PDE10A: variants seen among roughly 807,000 people sequenced by gnomAD.
The protein encoded by PDE10A is phosphodiesterase 10A, also known as cAMP and cAMP-inhibited cGMP 3',5'-cyclic phosphodiesterase 10A.
Under a neutral mutation model 97.7 loss-of-function variants are expected in PDE10A, and 39 were observed. The observed-to-expected ratio is 0.40, with a 90% CI of 0.31 to 0.52. PDE10A has a LOEUF of 0.52. Among genes scored for constraint, PDE10A ranks in the 20% least tolerant of loss-of-function variants. The pLI, the probability that PDE10A is intolerant of heterozygous loss-of-function variation, is 0.56. For synonymous variants in PDE10A, 371 were observed against 376.8 expected (o/e 0.98, Z 0.18); for missense variants, 731 against 1,047.8 (o/e 0.70, Z 4.17).
At chr6:165,915,336 G>C (rs1303346937) in intron 1 of PDE10A, among the ~76,000 whole-genome samples, 4 of 152,146 alleles carry the variant, frequency 2.6e-5, no homozygotes, top group South Asian at 2.1e-4. Flanking sequence ...CAAGTAATTT[G>C]AGCATAAACC....
chr6:165,840,461 C>T (rs553315365), intron 1 of PDE10A, among the ~76,000 whole-genome samples: 1 of 152,300 alleles, frequency 6.6e-6, no homozygotes, highest in East Asian at 1.9e-4. Context: ...TCAGCAATCA[C>T]TTGTAGTCAT....
intron 1 of PDE10A, among the ~76,000 whole-genome samples, chr6:165,554,931 C>G (rs140058846): frequency 2.0e-5 from 3 of 152,088 alleles, no homozygotes; most frequent in South Asian, 2.1e-4. Flanking sequence ...AGACAAACAT[C>G]GCATGTTCTC....
chr6:165,513,387 G>A (rs1414765959), intron 2 of PDE10A, among the ~76,000 whole-genome samples: 1 of 151,948 alleles, frequency 6.6e-6, no homozygotes, highest in Non-Finnish European at 1.5e-5. Flanking sequence ...CTGTTTCATC[G>A]ATTTGTATGC....
At chr6:165,941,304 G>A (rs147018195) in intron 1 of PDE10A, among the ~76,000 whole-genome samples, 3 of 152,200 alleles carry the variant, frequency 2.0e-5, no homozygotes, top group African/African-American at 7.2e-5. Flanking sequence ...AATGGACTCG[G>A]GCCTTTCTGA....
At position 165,339,362 on chromosome 6, in the gene PDE10A, A is replaced by C. The variant is rs761092608; in HGVS notation, c.2896-4T>G. On this transcript the variant is annotated splice_polypyrimidine_tract_variant and splice_region_variant and intron_variant, in intron 19 of 21. Coordinates refer to ENST00000539869, the MANE Select transcript of PDE10A (RefSeq NM_001385079.1). ...CCAATTTCTTCATTTCATCACCCTA[A>C]GATGAATGGGGAGAAAATCATGCTT... is the stretch of plus-strand genomic sequence containing the variant. 1 of 1,530,840 alleles carries C rather than the reference A, an allele frequency of 6.5e-7. No homozygotes were observed. The highest frequency in any genetic ancestry group is 1.4e-5 in the African/African-American group (1 of 73,360). 94.8% of individuals were successfully genotyped at this position (1,530,840 alleles called of 1,614,324 possible).
intron 1 of PDE10A, among the ~76,000 whole-genome samples, chr6:165,708,356 G>T (rs1192839642): frequency 6.6e-6 from 1 of 152,018 alleles, no homozygotes; most frequent in African/African-American, 2.4e-5. Context: ...TGCTGAGGCT[G>T]CCCTCCCAAG....
In PDE10A at chr6:165,395,199, C is replaced by T. The variant is rs79937339; in HGVS notation, c.2285G>A (p.Arg762Gln). The T allele has an allele frequency of 9.2e-5, 149 of 1,612,030 alleles. No homozygotes were observed. The African/African-American group carries it at 1.1e-3, about 12-fold the overall frequency. ...WPGIFVYMVHRSCGTSCFELE... is the reference protein window; with the variant it reads ...WPGIFVYMVHQSCGTSCFELE... ...TTCATACCAGGATGTCCCACAGGAC[C>T]GATGAACCATGTAGACAAAAATTCC... The change falls in exon 15 of 22, where the codon CGG (arginine) becomes CAG (glutamine). Residue 762 changes from arginine to glutamine, a missense_variant. Arg to Gln is a conservative substitution (Grantham distance 43). This residue lies in a region of PDE10A where 131 missense variants were observed against 187.4 expected (regional missense o/e 0.70). Coordinates refer to ENST00000539869, the MANE Select transcript of PDE10A (RefSeq NM_001385079.1).
At chr6:165,899,788 G>A (rs1174470953) in intron 1 of PDE10A, among the ~76,000 whole-genome samples, 4 of 152,212 alleles carry the variant, frequency 2.6e-5, no homozygotes, top group Admixed American at 6.5e-5. Context: ...CCTGGCTAAG[G>A]CAGAGCTCTG....
intron 10 of PDE10A, among the ~76,000 whole-genome samples, chr6:165,425,797 GTGTA>G (rs1554260342): frequency 7.3e-5 from 11 of 151,448 alleles, no homozygotes; most frequent in South Asian, 2.1e-4. Context: ...GTGTGTGTGT[GTGTA>G]TGTATGTAAT....
intron 1 of PDE10A, among the ~76,000 whole-genome samples, chr6:165,805,035 C>G (rs1779094542): frequency 7.1e-6 from 1 of 140,868 alleles, no homozygotes; most frequent in African/African-American, 2.7e-5. Context: ...GTGGGGCGAG[C>G]ACAGGGGCGC....
chr6:165,561,754 C>G (rs1784535297), intron 1 of PDE10A, among the ~76,000 whole-genome samples: 1 of 152,026 alleles, frequency 6.6e-6, no homozygotes, highest in Non-Finnish European at 1.5e-5. Context: ...CCCATTGGTG[C>G]CAGAAGTTCA....
At chr6:165,633,125 G>A (rs1788712258) in intron 1 of PDE10A, among the ~76,000 whole-genome samples, 1 of 151,998 alleles carries the variant, frequency 6.6e-6, no homozygotes, top group South Asian at 2.1e-4. Context: ...AACAGCTTTT[G>A]ATCTTGGTCT....
At chr6:165,503,013 AG>A in intron 2 of PDE10A, among the ~76,000 whole-genome samples, 1 of 152,324 alleles carries the variant, frequency 6.6e-6, no homozygotes, top group South Asian at 2.1e-4. Context: ...ACCTCAATAA[AG>A]CTGATTAAAC....
intron 2 of PDE10A, among the ~76,000 whole-genome samples, chr6:165,495,864 G>A (rs1226910716): frequency 6.6e-6 from 1 of 151,966 alleles, no homozygotes; most frequent in African/African-American, 2.4e-5. Context: ...ACAATATCTT[G>A]GAGAATAAAA....
At chr6:165,640,003 G>A (rs1260203361) in intron 1 of PDE10A, among the ~76,000 whole-genome samples, 7 of 151,728 alleles carry the variant, frequency 4.6e-5, no homozygotes, top group Admixed American at 4.6e-4. Flanking sequence ...CCAGGAGGTT[G>A]AGGCTGCAGT....
chr6:165,619,780 T>C (rs1417379739), intron 1 of PDE10A, among the ~76,000 whole-genome samples: 2 of 151,952 alleles, frequency 1.3e-5, no homozygotes, highest in Non-Finnish European at 2.9e-5. Flanking sequence ...TAGTGTAGCA[T>C]AGTCTAGTGT....
intron 1 of PDE10A, among the ~76,000 whole-genome samples, chr6:165,708,537 C>T (rs1468819045): frequency 6.6e-6 from 1 of 151,992 alleles, no homozygotes; most frequent in Non-Finnish European, 1.5e-5. Context: ...AAACACGGTT[C>T]TCAGTGCCTC....
At chr6:165,680,336 G>C (rs377138444) in intron 1 of PDE10A, among the ~76,000 whole-genome samples, 8 of 152,340 alleles carry the variant, frequency 5.3e-5, no homozygotes, top group African/African-American at 1.9e-4. Context: ...TCACCATTCA[G>C]CTGTAGCAAC....
chr6:165,471,950 TTTTG>T (rs1387925505), intron 3 of PDE10A, among the ~76,000 whole-genome samples: 31 of 152,342 alleles, frequency 2.0e-4, no homozygotes, highest in Admixed American at 5.2e-4. Context: ...CTTTTTTCTC[TTTTG>T]TTTAATACAC....
Sources: allele counts gnomAD v4.1 joint callset (sites outside exome capture counted in the v4.1 genomes callset), GRCh38; gene constraint gnomAD v4.1.1; regional missense constraint gnomAD v4.1.1; transcripts MANE v1.5; gene names NCBI Gene and HGNC (gene_info 2026-07-23, HGNC 2026-07-21).